Variants in RBMS3 observed in about 807,000 individuals in gnomAD.
RBMS3 encodes RNA-binding motif, single-stranded-interacting protein 3.
In RBMS3, 27 loss-of-function variants were observed where a neutral mutation model predicts 66.8. That is an observed-to-expected ratio of 0.40 (90% CI 0.30 to 0.56). RBMS3 has a LOEUF of 0.56. Ranked by LOEUF, RBMS3 falls within the 20% of genes least tolerant of loss-of-function variation. RBMS3 has a pLI of 0.40. For synonymous variants in RBMS3, 188 were observed against 183.0 expected (o/e 1.03, Z -0.22); for missense variants, 513 against 549.5 (o/e 0.93, Z 0.66).
rs114210096 is a variant in RBMS3, at chr3:29,629,306, G to A, written c.399+42101G>A. Among the ~76,000 whole-genome samples, 588 of 152,106 alleles carry A rather than the reference G, an allele frequency of 3.9e-3. 1 individual carries two copies. Among genetic ancestry groups the A allele is most frequent in the Middle Eastern group, 0.01 (3 of 294 alleles). On this transcript the variant is annotated intron_variant, in intron 4 of 14. Coordinates refer to ENST00000383767, the MANE Select transcript of RBMS3 (RefSeq NM_001003793.3). ...CTATCTGCAGGCTATTTTAATGAGG[G>A]CAAATTATTTAACTCTTCTGTGTCT...
intron 12 of RBMS3, among the ~76,000 whole-genome samples, chr3:29,987,741 A>G (rs1291709784): frequency 6.6e-6 from 1 of 152,206 alleles, no homozygotes; most frequent in Non-Finnish European, 1.5e-5. Flanking sequence ...CATTCATTCA[A>G]CAAGTACTTG....
intron 2 of RBMS3, among the ~76,000 whole-genome samples, chr3:29,473,040 T>TCCACACAA (rs2042800613): frequency 6.6e-6 from 1 of 151,560 alleles, no homozygotes; most frequent in Admixed American, 6.6e-5. Flanking sequence ...ATACAGAGTG[T>TCCACACAA]AGATTGGTGC....
chr3:29,512,803 T>C (rs1329928170), intron 3 of RBMS3, among the ~76,000 whole-genome samples: 1 of 152,230 alleles, frequency 6.6e-6, no homozygotes, highest in African/African-American at 2.4e-5. Context: ...GCTTCCAACC[T>C]TGGCATTTAG....
chr3:30,007,507 C>T lies in RBMS3; in HGVS notation c.*3645C>T, dbSNP rs1436717760. ...CACTGTCTCGTCTAAACTCTAGTTT[C>T]ATGGTCAGTGCAACAGTGAGTTTTC... On this transcript the variant is annotated 3_prime_UTR_variant, in exon 15 of 15. Transcript: ENST00000383767. The T allele has an allele frequency of 6.6e-6, 1 of 152,000 alleles. No individual in the cohort carries two copies. Among genetic ancestry groups the T allele is most frequent in the Non-Finnish European group, 1.5e-5 (1 of 67,956 alleles). The allele number at this position is 152,000 out of a possible 1,614,324, so 9.4% of individuals were successfully genotyped here.
chr3:29,538,337 G>T (rs1423222138), intron 3 of RBMS3, among the ~76,000 whole-genome samples: 2 of 152,114 alleles, frequency 1.3e-5, no homozygotes, highest in Non-Finnish European at 2.9e-5. Context: ...ACTTTACAAT[G>T]AATATGAAAA....
At position 29,578,790 on chromosome 3, in the gene RBMS3, C is replaced by CTTTTTTTTTTTTTTTTTTTTTTTTTTT. The variant is rs1185861167; in HGVS notation, c.308-8302_308-8301insTTTTTTTTTTTTTTTTTTTTTTTTTTT. On this transcript the variant is annotated intron_variant, in intron 3 of 14. Transcript: ENST00000383767. ...AAAGAATCACAGGTAATACATGCTT[C>CTTTTTTTTTTTTTTTTTTTTTTTTTTT]TTTTTTTTTTTTTTTTTTTTTTGAG... is the stretch of plus-strand genomic sequence containing the variant. 5.9e-5 allele frequency among the ~76,000 whole-genome samples: 6 copies of CTTTTTTTTTTTTTTTTTTTTTTTTTTT among 101,064 alleles called. 1 individual carries two copies. Among genetic ancestry groups the CTTTTTTTTTTTTTTTTTTTTTTTTTTT allele is most frequent in the African/African-American group, 2.3e-4 (5 of 22,048 alleles). 66.3% of individuals were successfully genotyped at this position (101,064 alleles called of 152,430 possible).
intron 4 of RBMS3, chr3:29,697,072 G>A: frequency 2.0e-6 from 2 of 985,330 alleles, no homozygotes; most frequent in Non-Finnish European, 2.4e-6. Flanking sequence ...TGCAGGGCCT[G>A]TGTGCTCAGC....
intron 3 of RBMS3, among the ~76,000 whole-genome samples, chr3:29,539,628 A>G (rs534636479): frequency 1.8e-4 from 28 of 152,316 alleles, no homozygotes; most frequent in African/African-American, 6.7e-4. Flanking sequence ...TTAATACATG[A>G]ACTCTGAGAC....
intron 1 of RBMS3, among the ~76,000 whole-genome samples, chr3:29,433,035 T>C (rs1224439596): frequency 2.0e-5 from 3 of 152,150 alleles, no homozygotes; most frequent in Non-Finnish European, 4.4e-5. Context: ...CCAGACCCAC[T>C]AGGCCTGTCA....
intron 5 of RBMS3, among the ~76,000 whole-genome samples, chr3:29,744,666 C>T (rs912119106): frequency 1.3e-5 from 2 of 151,976 alleles, no homozygotes; most frequent in African/African-American, 2.4e-5. Flanking sequence ...TGCCTGTAAT[C>T]CGAGCTACTC....
chr3:29,495,635 G>T (rs918264183), intron 3 of RBMS3, among the ~76,000 whole-genome samples: 8 of 151,706 alleles, frequency 5.3e-5, no homozygotes, highest in African/African-American at 1.9e-4. Context: ...GGCCAGGCTG[G>T]TTGAACTCCT....
intron 6 of RBMS3, among the ~76,000 whole-genome samples, chr3:29,773,746 A>G (rs1302152906): frequency 6.6e-6 from 1 of 152,112 alleles, no homozygotes; most frequent in Non-Finnish European, 1.5e-5. Flanking sequence ...TTGGGAATTT[A>G]CATCCCCATT....
chr3:29,704,368 G>A (rs894731506), intron 4 of RBMS3, among the ~76,000 whole-genome samples: 2 of 152,154 alleles, frequency 1.3e-5, no homozygotes, highest in African/African-American at 4.8e-5. Context: ...TATAAAGAAG[G>A]TTTCATTGGA....
intron 4 of RBMS3, among the ~76,000 whole-genome samples, chr3:29,669,711 T>C (rs1176810730): frequency 6.6e-6 from 1 of 152,190 alleles, no homozygotes; most frequent in African/African-American, 2.4e-5. Context: ...TACATTCTCT[T>C]CCTCATTCCA....
chr3:29,307,981 C>T (rs2034120096), intron 1 of RBMS3, among the ~76,000 whole-genome samples: 1 of 151,510 alleles, frequency 6.6e-6, no homozygotes, highest in Non-Finnish European at 1.5e-5. Flanking sequence ...GAAAATTACC[C>T]CTCACACTTT....
At chr3:29,990,572 G>GAAAAC (rs1387807515) in intron 13 of RBMS3, among the ~76,000 whole-genome samples, 1 of 151,088 alleles carries the variant, frequency 6.6e-6, no homozygotes, top group African/African-American at 2.4e-5. Context: ...TCATATACCA[G>GAAAAC]AAAACAAAAC....
intron 4 of RBMS3, among the ~76,000 whole-genome samples, chr3:29,709,080 T>A (rs2149303278): frequency 6.6e-6 from 1 of 152,260 alleles, no homozygotes; most frequent in East Asian, 1.9e-4. Context: ...CAGCTTGCGT[T>A]CTCCCTTCGT....
At chr3:29,368,419 C>G (rs770240779) in intron 1 of RBMS3, among the ~76,000 whole-genome samples, 7 of 151,730 alleles carry the variant, frequency 4.6e-5, no homozygotes, top group Non-Finnish European at 8.8e-5. Context: ...ATCACGTTAT[C>G]CCCAATGCCT....
intron 14 of RBMS3, among the ~76,000 whole-genome samples, chr3:30,001,124 T>C (rs192335206): frequency 1.1e-4 from 17 of 152,260 alleles, no homozygotes. Context: ...TGTAATTCTT[T>C]CAAGGACAAT....
Sources: gnomAD v4.1 joint callset for allele counts (sites outside exome capture counted in the v4.1 genomes callset) on GRCh38, gnomAD v4.1.1 for gene constraint, MANE v1.5 for transcripts, NCBI Gene and HGNC (gene_info 2026-07-23, HGNC 2026-07-21) for gene names.